PPARGC1A: variants seen among roughly 807,000 people sequenced by gnomAD.
PPARGC1A encodes PPARG coactivator 1 alpha.
A neutral mutation model predicts 88.7 loss-of-function variants in PPARGC1A; 25 were observed. The ratio of observed to expected loss-of-function variants is 0.28; its 90% confidence interval spans 0.21 to 0.39. PPARGC1A has a LOEUF of 0.39. Among genes scored for constraint, PPARGC1A ranks in the 10% least tolerant of loss-of-function variants. The pLI, the probability that PPARGC1A is intolerant of heterozygous loss-of-function variation, is 1.00. For synonymous variants in PPARGC1A, 363 were observed against 355.6 expected, an observed-to-expected ratio of 1.02 and a Z score of -0.24; for missense variants, 880 against 968.7, an observed-to-expected ratio of 0.91 and a Z score of 1.22.
the PPARGC1A span, among the ~76,000 whole-genome samples, chr4:24,166,569 G>A: frequency 6.6e-6 from 1 of 152,216 alleles, no homozygotes; most frequent in African/African-American, 2.4e-5. Flanking sequence ...TTAAGTTGAA[G>A]CCAATGCTCA....
At chr4:23,866,201 T>C (rs1342045337) in intron 2 of PPARGC1A, 2 of 151,766 alleles carry the variant, frequency 1.3e-5, no homozygotes, top group Non-Finnish European at 2.9e-5. Context: ...AGGAGAAAGC[T>C]TTAAGAAAAC....
chr4:24,012,528 G>A, the PPARGC1A span, among the ~76,000 whole-genome samples: 3 of 152,014 alleles, frequency 2.0e-5, no homozygotes, highest in Non-Finnish European at 4.4e-5. Context: ...GGTCTATCTC[G>A]TGCCAACCTG....
At chr4:23,902,489 A>G (rs1394048825), upstream of PPARGC1A, among the ~76,000 whole-genome samples, 1 of 152,160 alleles carries the variant, frequency 6.6e-6, no homozygotes, top group Non-Finnish European at 1.5e-5. Context: ...AAAATCAGCA[A>G]TCCCTTCTAG....
the PPARGC1A span, among the ~76,000 whole-genome samples, chr4:24,252,023 TTGTC>T: frequency 2.0e-5 from 3 of 152,198 alleles, no homozygotes; most frequent in African/African-American, 7.2e-5. Context: ...TTTATTACTA[TTGTC>T]TGTCTTTTCC....
chr4:24,248,960 C>T, the PPARGC1A span, among the ~76,000 whole-genome samples: 4 of 152,086 alleles, frequency 2.6e-5, no homozygotes, highest in Non-Finnish European at 5.9e-5. Flanking sequence ...AGCAAAGGGT[C>T]GGGAGGCCTA....
the PPARGC1A span, among the ~76,000 whole-genome samples, chr4:23,930,476 T>G: frequency 1.3e-5 from 2 of 152,180 alleles, no homozygotes; most frequent in Admixed American, 6.5e-5. Context: ...ATCTTAAAGA[T>G]CAACCTTAAC....
chr4:24,243,040 T>G, the PPARGC1A span, among the ~76,000 whole-genome samples: 39 of 152,350 alleles, frequency 2.6e-4, no homozygotes, highest in African/African-American at 8.4e-4. Context: ...GGTGAATTTC[T>G]GACTCATGTC....
At chr4:24,229,427 G>A in the PPARGC1A span, among the ~76,000 whole-genome samples, 889 of 150,796 alleles carry the variant, frequency 5.9e-3, 22 homozygotes, top group East Asian at 0.088. Context: ...GGGATTATAG[G>A]CATGAGCCAC....
the PPARGC1A span, among the ~76,000 whole-genome samples, chr4:24,444,027 T>G: frequency 6.6e-6 from 1 of 151,670 alleles, no homozygotes; most frequent in African/African-American, 2.4e-5. Flanking sequence ...AGTAATTTCG[T>G]CGTTGTTGTT....
At chr4:23,860,915 T>C (rs1210240096) in intron 2 of PPARGC1A, among the ~76,000 whole-genome samples, 1 of 152,174 alleles carries the variant, frequency 6.6e-6, no homozygotes, top group African/African-American at 2.4e-5. Flanking sequence ...AAAACCCCCT[T>C]GGGATGACTA....
the PPARGC1A span, among the ~76,000 whole-genome samples, chr4:24,031,151 G>A: frequency 6.6e-6 from 1 of 152,114 alleles, no homozygotes. Context: ...ACAGAGCTGG[G>A]CACACCACAG....
intron 1 of PPARGC1A, among the ~76,000 whole-genome samples, chr4:23,886,485 G>A (rs924460048): frequency 6.6e-5 from 10 of 152,012 alleles, no homozygotes; most frequent in Admixed American, 2.6e-4. Context: ...AAGACCATTG[G>A]ACCCCAGTGA....
intron 12 of PPARGC1A, 93 bp from the exon 13 acceptor site, chr4:23,796,018 C>G: frequency 1.2e-6 from 1 of 846,454 alleles, no homozygotes; most frequent in Non-Finnish European, 2.0e-6. Context: ...TCGATAACAA[C>G]TCTTCCAATC....
intron 10 of PPARGC1A, among the ~76,000 whole-genome samples, chr4:23,802,676 C>CAAAAAA (rs397823520): frequency 8.8e-4 from 23 of 26,020 alleles, no homozygotes; most frequent in East Asian, 7.5e-3. Context: ...GACTCCATCT[C>CAAAAAA]AAAAAAAAAA....
the PPARGC1A span, among the ~76,000 whole-genome samples, chr4:24,251,325 GATTAC>G: frequency 6.6e-6 from 1 of 152,146 alleles, no homozygotes. Flanking sequence ...TCACTATGAA[GATTAC>G]ATTAGTTAAT....
chr4:24,050,079 G>A, the PPARGC1A span, among the ~76,000 whole-genome samples: 1 of 151,762 alleles, frequency 6.6e-6, no homozygotes, highest in South Asian at 2.1e-4. Context: ...ATTATTTTAT[G>A]AATCATTTCC....
chr4:24,392,888 C>G, the PPARGC1A span, among the ~76,000 whole-genome samples: 2 of 152,196 alleles, frequency 1.3e-5, no homozygotes, highest in African/African-American at 4.8e-5. Flanking sequence ...TTTTATTTAT[C>G]TCTCTTTCTT....
the PPARGC1A span, among the ~76,000 whole-genome samples, chr4:24,467,053 A>G: frequency 7.2e-6 from 1 of 138,804 alleles, no homozygotes; most frequent in Middle Eastern, 3.6e-3. Flanking sequence ...AGAGAGAAAA[A>G]GAAAGAAAGA....
chr4:24,100,992 C>A, the PPARGC1A span, among the ~76,000 whole-genome samples: 1 of 152,186 alleles, frequency 6.6e-6, no homozygotes, highest in East Asian at 1.9e-4. Flanking sequence ...TTAACACTTT[C>A]AGGGAGGAGG....
Sources: allele counts gnomAD v4.1 joint callset (sites outside exome capture counted in the v4.1 genomes callset), GRCh38; gene constraint gnomAD v4.1.1; transcripts MANE v1.5; gene names NCBI Gene and HGNC (gene_info 2026-07-23, HGNC 2026-07-21).